The following SHC4 variants were observed in gnomAD, a reference collection of about 807,000 sequenced individuals.
The protein encoded by SHC4 is SHC adaptor protein 4.
In SHC4, 41 loss-of-function variants were observed where a neutral mutation model predicts 69.4. That is an observed-to-expected ratio of 0.59 (90% confidence interval 0.46 to 0.77). The LOEUF is 0.77. Among genes scored for constraint, SHC4 ranks in the 30% least tolerant of loss-of-function variants. SHC4 has a pLI of 0.00. For missense variants in SHC4, 777 were observed against 783.8 expected (o/e 0.99, Z 0.10); for synonymous variants, 318 against 299.3 (o/e 1.06, Z -0.64).
chr15:48,876,650 A>G (rs1290496559), intron 4 of SHC4: 9 of 674,926 alleles, frequency 1.3e-5, no homozygotes, highest in Non-Finnish European at 2.2e-5. Flanking sequence ...GTTCGAGGGC[A>G]GGAAGCATCC....
chr15:48,869,623 C>T (rs192375510), intron 5 of SHC4, among the ~76,000 whole-genome samples: 20 of 152,312 alleles, frequency 1.3e-4, no homozygotes, highest in African/African-American at 4.3e-4. Flanking sequence ...TATGAGGACT[C>T]TGGAGTTTAG....
intron 9 of SHC4, among the ~76,000 whole-genome samples, chr15:48,850,343 T>C (rs1475929967): frequency 6.6e-6 from 1 of 152,112 alleles, no homozygotes; most frequent in East Asian, 1.9e-4. Flanking sequence ...TCTTCATGTA[T>C]CCTTCACTAT....
At chr15:48,958,228 G>A (rs574322889) in intron 1 of SHC4, among the ~76,000 whole-genome samples, 23 of 152,320 alleles carry the variant, frequency 1.5e-4, no homozygotes, top group Non-Finnish European at 2.9e-4. Flanking sequence ...CCATGGGCTG[G>A]TCCTATGATG....
At chr15:48,872,921 A>G (rs1350134722) in intron 4 of SHC4, among the ~76,000 whole-genome samples, 6 of 152,200 alleles carry the variant, frequency 3.9e-5, no homozygotes, top group Non-Finnish European at 8.8e-5. Flanking sequence ...CTATGCACCT[A>G]TTGACTAATC....
intron 1 of SHC4, among the ~76,000 whole-genome samples, chr15:48,933,575 T>A (rs900730779): frequency 6.6e-6 from 1 of 152,162 alleles, no homozygotes; most frequent in Non-Finnish European, 1.5e-5. Context: ...GACAAACTGA[T>A]CCTAAAATTC....
intron 6 of SHC4, among the ~76,000 whole-genome samples, chr15:48,863,880 G>A (rs1031143465): frequency 2.6e-5 from 4 of 151,930 alleles, no homozygotes; most frequent in African/African-American, 2.4e-5. Flanking sequence ...GTAATCTTAC[G>A]AAAACCGCCT....
At position 48,825,860 on chromosome 15, in the gene SHC4, C is replaced by A; in HGVS notation, c.*111G>T. 1 of 1,293,816 alleles carries A rather than the reference C, an allele frequency of 7.7e-7. No homozygotes were observed. Among genetic ancestry groups the A allele is most frequent in the South Asian group, 1.5e-5 (1 of 65,640 alleles). The allele number at this position is 1,293,816 out of a possible 1,614,324, so 80.1% of individuals were successfully genotyped here. A position where few individuals can be genotyped will look rare whatever the true frequency, so the allele number is the denominator to read the frequency against. Reference sequence around the variant, plus strand: ...GGTCCATGATGGTCTTGGAAAGATGCACTTCACAGTTTGTGCTCTATTTTA... The same window carrying A: ...GGTCCATGATGGTCTTGGAAAGATGAACTTCACAGTTTGTGCTCTATTTTA... On this transcript the variant is annotated 3_prime_UTR_variant, in exon 12 of 12. Transcript: ENST00000332408.
chr15:48,878,446 C>G (rs1268852780), intron 4 of SHC4: 1 of 1,612,858 alleles, frequency 6.2e-7, no homozygotes, highest in Non-Finnish European at 8.5e-7. Context: ...AGGTGGCGGG[C>G]GCAGACTTCG....
chr15:48,861,010 G>C (rs1440567000), intron 6 of SHC4, among the ~76,000 whole-genome samples: 1 of 152,226 alleles, frequency 6.6e-6, no homozygotes, highest in Non-Finnish European at 1.5e-5. Flanking sequence ...CGTACCTCTA[G>C]AATGTCTTAT....
chr15:48,917,186 T>C (rs1215562437), intron 2 of SHC4, among the ~76,000 whole-genome samples: 1 of 151,648 alleles, frequency 6.6e-6, no homozygotes, highest in African/African-American at 2.4e-5. Flanking sequence ...CTTTACTTGA[T>C]GTGGATGCTT....
chr15:48,951,158 A>AT (rs1465797183), intron 1 of SHC4, among the ~76,000 whole-genome samples: 1 of 151,678 alleles, frequency 6.6e-6, no homozygotes, highest in Non-Finnish European at 1.5e-5. Flanking sequence ...TAACTATTCT[A>AT]TTTTTTGCTG....
rs1275765668 is a variant in SHC4, at chr15:48,857,929, A to T, written c.947-114T>A. The T allele has an allele frequency of 5.3e-6, 4 of 751,386 alleles. No homozygotes were observed. In the East Asian group the frequency reaches 1.3e-4, roughly 25 times the overall value. The allele number at this position is 751,386 out of a possible 1,614,324, so 46.5% of individuals were successfully genotyped here. On this transcript the variant is annotated intron_variant, in intron 6 of 11. Coordinates refer to ENST00000332408, the MANE Select transcript of SHC4 (RefSeq NM_203349.4). ...TGATAATTGAATAAAAGGGAGCAGGATTACAAGCTCTCTGCAGCCATGAAA... is the reference window on the plus strand; with the variant it reads ...TGATAATTGAATAAAAGGGAGCAGGTTTACAAGCTCTCTGCAGCCATGAAA...
chr15:48,916,662 C>T (rs1278824882), intron 2 of SHC4, among the ~76,000 whole-genome samples: 2 of 151,996 alleles, frequency 1.3e-5, no homozygotes, highest in South Asian at 2.1e-4. Flanking sequence ...AAAATGAATC[C>T]GAAGCCAGGA....
intron 1 of SHC4, among the ~76,000 whole-genome samples, chr15:48,925,774 G>T (rs142544801): frequency 2.0e-5 from 3 of 152,296 alleles, no homozygotes; most frequent in Non-Finnish European, 4.4e-5. Flanking sequence ...TATGAAGGTG[G>T]GTTAATGGTG....
intron 10 of SHC4, among the ~76,000 whole-genome samples, chr15:48,839,306 G>A (rs1898950761): frequency 6.6e-6 from 1 of 152,212 alleles, no homozygotes; most frequent in African/African-American, 2.4e-5. Flanking sequence ...ATCCCTTCTA[G>A]TCCATGGCTT....
At chr15:48,854,720 G>GA (rs1043192510) in intron 8 of SHC4, among the ~76,000 whole-genome samples, 12 of 152,162 alleles carry the variant, frequency 7.9e-5, no homozygotes. Flanking sequence ...CACAGGAACA[G>GA]AAAACCAAAT....
chr15:48,863,833 T>C (rs895114529), intron 6 of SHC4, among the ~76,000 whole-genome samples: 1 of 152,220 alleles, frequency 6.6e-6, no homozygotes, highest in Admixed American at 6.5e-5. Flanking sequence ...TTTTGTGTGC[T>C]CAGGACGTAG....
intron 1 of SHC4, among the ~76,000 whole-genome samples, chr15:48,949,366 G>A (rs562999239): frequency 6.4e-5 from 9 of 140,900 alleles, no homozygotes; most frequent in African/African-American, 8.0e-5. Flanking sequence ...GTGAGACTCC[G>A]TCTCAAAAAA....
At chr15:48,954,295 C>T (rs553436469) in intron 1 of SHC4, among the ~76,000 whole-genome samples, 3 of 152,328 alleles carry the variant, frequency 2.0e-5, no homozygotes, top group African/African-American at 2.4e-5. Context: ...AATAATCCCC[C>T]GTTGAGAACC....
Sources: gnomAD v4.1 joint callset for allele counts (sites outside exome capture counted in the v4.1 genomes callset) on GRCh38, gnomAD v4.1.1 for gene constraint, MANE v1.5 for transcripts, NCBI Gene and HGNC (gene_info 2026-07-23, HGNC 2026-07-21) for gene names.